GLDN: variants seen among roughly 807,000 people sequenced by gnomAD.
The protein encoded by GLDN is collomin.
GLDN carries 47 observed loss-of-function variants against 56.5 expected under a neutral mutation model. The observed-to-expected ratio is 0.83, with a 90% CI of 0.66 to 1.06. The LOEUF (loss-of-function observed/expected upper bound fraction) is 1.06. Ranked by LOEUF, GLDN falls within the 50% of genes least tolerant of loss-of-function variation. GLDN has a pLI of 0.00. For synonymous variants in GLDN, 332 were observed against 278.8 expected, an observed-to-expected ratio of 1.19 and a Z score of -1.90; for missense variants, 782 against 714.3, an observed-to-expected ratio of 1.09 and a Z score of -1.08.
intron 1 of GLDN, among the ~76,000 whole-genome samples, chr15:51,358,451 C>A (rs918097713): frequency 1.3e-5 from 2 of 152,136 alleles, no homozygotes; most frequent in Admixed American, 1.3e-4. Context: ...ATTGTGGGCA[C>A]GCTGGTAAGG....
intron 1 of GLDN, among the ~76,000 whole-genome samples, chr15:51,361,578 T>C (rs975353289): frequency 1.3e-5 from 2 of 152,158 alleles, no homozygotes; most frequent in Non-Finnish European, 2.9e-5. Context: ...AATCAAAGAT[T>C]CATTCATTCA....
At chr15:51,398,605 G>A (rs2038184186) in intron 6 of GLDN, among the ~76,000 whole-genome samples, 3 of 152,332 alleles carry the variant, frequency 2.0e-5, no homozygotes, top group South Asian at 2.1e-4. Flanking sequence ...TCTGGAAGAC[G>A]TTTGGGGGCG....
chr15:51,360,922 A>G (rs12148477), intron 1 of GLDN, among the ~76,000 whole-genome samples: 41,841 of 152,182 alleles, frequency 0.27, 5,963 homozygotes, highest in Admixed American at 0.34. Flanking sequence ...GGGATGCCAC[A>G]GGGCAGCATT....
chr15:51,388,203 T>C (rs1253284853), intron 4 of GLDN, among the ~76,000 whole-genome samples: 1 of 152,204 alleles, frequency 6.6e-6, no homozygotes, highest in Non-Finnish European at 1.5e-5. Context: ...CCCTGCTCTT[T>C]TGAAATATTG....
At chr15:51,383,934 T>C in intron 4 of GLDN, 42 bp downstream of exon 4, 2 of 1,385,268 alleles carry the variant, frequency 1.4e-6, no homozygotes, top group Middle Eastern at 1.8e-4. Context: ...CTGTTATTTA[T>C]CTCCATGATT....
chr15:51,387,133 T>C (rs113095872), intron 4 of GLDN, among the ~76,000 whole-genome samples: 245 of 151,994 alleles, frequency 1.6e-3, no homozygotes, highest in Middle Eastern at 0.014. Context: ...AGCTCCAACC[T>C]CAGGTGACAA....
chr15:51,357,002 G>GA (rs946173625), intron 1 of GLDN, among the ~76,000 whole-genome samples: 8 of 152,122 alleles, frequency 5.3e-5, no homozygotes, highest in African/African-American at 1.9e-4. Flanking sequence ...CAGACCTCTA[G>GA]AAAAAATACT....
At chr15:51,403,936 G>T (rs540275379) in intron 9 of GLDN, among the ~76,000 whole-genome samples, 4 of 152,276 alleles carry the variant, frequency 2.6e-5, no homozygotes, top group African/African-American at 9.6e-5. Flanking sequence ...GGCATTTCAG[G>T]AGGTCAACAA....
chr15:51,377,301 G>A, intron 1 of GLDN, 148 bp from the exon 2 acceptor site: 1 of 614,658 alleles, frequency 1.6e-6, no homozygotes, highest in African/African-American at 1.8e-5. Context: ...TCACTAGGTG[G>A]GACATCACTG....
At chr15:51,351,421 C>T (rs1336722741) in intron 1 of GLDN, among the ~76,000 whole-genome samples, 1 of 152,164 alleles carries the variant, frequency 6.6e-6, no homozygotes, top group African/African-American at 2.4e-5. Context: ...ATTAAAAGTA[C>T]CTGAAAACTG....
rs534019745 is a variant in GLDN, at chr15:51,342,011, T to A, written c.327T>A (p.His109Gln). The change falls in exon 1 of 10, where the codon CAT (histidine) becomes CAA (glutamine). Residue 109 changes from histidine (H) to glutamine (Q), a missense_variant. Physicochemically the swap from His to Gln is conservative, Grantham distance 24 (BLOSUM62 0). Transcript: ENST00000335449. ...CGCCGCATATCCGCGCCGAGAGCCA[T>A]GACATGCTGATGATGATGACCTACT... is the stretch of plus-strand genomic sequence containing the variant. ...EPAPHIRAES[H>Q]DMLMMMTYSM... 3 of 1,597,234 alleles carry A rather than the reference T, an allele frequency of 1.9e-6. No homozygotes were observed. Among genetic ancestry groups the A allele is most frequent in the Middle Eastern group, 1.6e-4 (1 of 6,076 alleles).
intron 1 of GLDN, among the ~76,000 whole-genome samples, chr15:51,362,484 TAAAAAAAAAA>T (rs59898719): frequency 3.0e-5 from 4 of 131,858 alleles, no homozygotes; most frequent in African/African-American, 1.1e-4. Flanking sequence ...GACTCTGTCT[TAAAAAAAAAA>T]AAAAAAAAAA....
chr15:51,385,963 A>G (rs914329352), intron 4 of GLDN, among the ~76,000 whole-genome samples: 2 of 152,202 alleles, frequency 1.3e-5, no homozygotes, highest in Non-Finnish European at 2.9e-5. Context: ...TATGCCTGAC[A>G]TATGGATGAG....
intron 1 of GLDN, among the ~76,000 whole-genome samples, chr15:51,353,746 T>TTAA (rs2037122753): frequency 8.5e-6 from 1 of 117,126 alleles, no homozygotes; most frequent in South Asian, 2.7e-4. Flanking sequence ...CACAGTCAAT[T>TTAA]AAAAAAAAAA....
At chr15:51,362,085 G>A (rs920610625) in intron 1 of GLDN, among the ~76,000 whole-genome samples, 4 of 152,170 alleles carry the variant, frequency 2.6e-5, no homozygotes, top group African/African-American at 9.7e-5. Context: ...TGGATATGTG[G>A]GGAAAGGGCC....
intron 1 of GLDN, among the ~76,000 whole-genome samples, chr15:51,353,597 AG>A (rs1195868212): frequency 2.0e-5 from 3 of 151,594 alleles, no homozygotes; most frequent in African/African-American, 7.3e-5. Flanking sequence ...AGAAAATGTG[AG>A]TGGAAGGTAG....
intron 1 of GLDN, among the ~76,000 whole-genome samples, chr15:51,355,704 T>C (rs1008256243): frequency 1.0e-4 from 15 of 150,572 alleles, no homozygotes; most frequent in Admixed American, 5.9e-4. Context: ...TTTGTATTTT[T>C]AGTAGAGACG....
At chr15:51,396,147 G>A (rs2038123596) in intron 5 of GLDN, among the ~76,000 whole-genome samples, 1 of 152,112 alleles carries the variant, frequency 6.6e-6, no homozygotes, top group South Asian at 2.1e-4. Flanking sequence ...ACCTCCACCT[G>A]GCAACCTTAA....
rs1343233069 is a variant in GLDN at position 51,401,626 on chromosome 15, C to T, written c.1061C>T (p.Ser354Leu). ...IMVKEFKDQPSLLNGSYTFIH... is the reference protein window; with the variant it reads ...IMVKEFKDQPLLLNGSYTFIH... ...GTTAAGGAATTCAAGGATCAGCCCT[C>T]ACTTCTGAATGGCAGTTACACGTTC... The change falls in exon 9 of 10, where the codon TCA (serine) becomes TTA (leucine). Residue 354 changes from serine (S) to leucine (L), a missense_variant. By Grantham distance (145) the Ser-to-Leu change is moderately radical. Coordinates refer to ENST00000335449, the MANE Select transcript of GLDN (RefSeq NM_181789.4). 1.2e-6 allele frequency: 2 copies of T among 1,614,132 alleles called. No individual in the cohort carries two copies. The highest frequency in any genetic ancestry group is 1.1e-5 in the South Asian group (1 of 91,080).
Sources: gnomAD v4.1 joint callset for allele counts (sites outside exome capture counted in the v4.1 genomes callset) on GRCh38, gnomAD v4.1.1 for gene constraint, MANE v1.5 for transcripts, NCBI Gene and HGNC (gene_info 2026-07-23, HGNC 2026-07-21) for gene names.